DACH2: variants seen among roughly 807,000 people sequenced by gnomAD.
DACH2 encodes the protein dachshund homolog 2.
DACH2 carries 17 observed loss-of-function variants against 35.8 expected under a neutral mutation model. The observed-to-expected ratio is 0.48, with a 90% CI of 0.33 to 0.71. The LOEUF is 0.71. Ranked by LOEUF, DACH2 falls within the 30% of genes least tolerant of loss-of-function variation. The pLI, the probability that DACH2 is intolerant of heterozygous loss-of-function variation, is 0.02. For missense variants in DACH2, 469 were observed against 472.7 expected (o/e 0.99, Z 0.07); for synonymous variants, 195 against 177.3 (o/e 1.10, Z -0.79).
At chrX:86,671,421 A>G (rs183086935) in intron 4 of DACH2, among the ~76,000 whole-genome samples, 35 of 111,913 alleles carry the variant, frequency 3.1e-4, no homozygotes, top group African/African-American at 1.0e-3. Context: ...GTAATCCCCA[A>G]TGTTGGAGGA....
At position 86,176,144 on chromosome X, in the gene DACH2, TATGCAAAAGGTG is replaced by T. The variant is rs2031295260; in HGVS notation, c.488+27040_488+27051del. On this transcript the variant is annotated intron_variant, in intron 1 of 11. Transcript: ENST00000373125. ...AAGAGGGGCAGAAGAATTGAGGGTT[TATGCAAAAGGTG>T]ATGTAGTGAATGAGAATACATTTTA... 2.7e-5 allele frequency among the ~76,000 whole-genome samples: 3 copies of T among 111,236 alleles called. No individual in the cohort carries two copies. The South Asian group carries it at 1.1e-3, about 42-fold the overall frequency.
intron 1 of DACH2, among the ~76,000 whole-genome samples, chrX:86,333,078 T>A (rs1035612158): frequency 1.8e-5 from 2 of 111,819 alleles, no homozygotes; most frequent in African/African-American, 6.5e-5. Context: ...TACCTTGTGA[T>A]TTACTATATT....
chrX:86,674,160 A>T (rs903461942), intron 4 of DACH2, among the ~76,000 whole-genome samples: 1 of 111,970 alleles, frequency 8.9e-6, no homozygotes, highest in African/African-American at 3.2e-5. Flanking sequence ...GATTTTCTCT[A>T]TTCTCTTTGG....
At chrX:86,521,932 T>A (rs1331061234) in intron 3 of DACH2, among the ~76,000 whole-genome samples, 1 of 111,850 alleles carries the variant, frequency 8.9e-6, no homozygotes, top group African/African-American at 3.2e-5. Flanking sequence ...AATAGTCCTT[T>A]AATTTATATA....
At chrX:86,560,596 A>T (rs1237739770) in intron 3 of DACH2, among the ~76,000 whole-genome samples, 1 of 96,623 alleles carries the variant, frequency 1.0e-5, no homozygotes, top group African/African-American at 3.8e-5. Flanking sequence ...ATAATGCCGC[A>T]TATCTACAAC....
chrX:86,477,366 AT>A (rs2037862151), intron 2 of DACH2, among the ~76,000 whole-genome samples: 4 of 98,922 alleles, frequency 4.0e-5, no homozygotes, highest in Middle Eastern at 5.3e-3. Flanking sequence ...ATATATATAT[AT>A]ATAATTGTTA....
intron 1 of DACH2, among the ~76,000 whole-genome samples, chrX:86,254,781 A>ATATATGT (rs1556004270): frequency 4.4e-5 from 1 of 22,593 alleles, no homozygotes; most frequent in Non-Finnish European, 7.4e-5. Context: ...CAAATAAATA[A>ATATATGT]ATATATATAT....
At chrX:86,597,193 AT>A (rs1328332780) in intron 3 of DACH2, among the ~76,000 whole-genome samples, 1 of 111,860 alleles carries the variant, frequency 8.9e-6, no homozygotes, top group Non-Finnish European at 1.9e-5. Context: ...ATTGATTCGA[AT>A]TGCATTGAGT....
At chrX:86,440,866 T>A (rs545068135) in intron 2 of DACH2, among the ~76,000 whole-genome samples, 20 of 111,572 alleles carry the variant, frequency 1.8e-4, no homozygotes, top group African/African-American at 6.5e-4. Flanking sequence ...AAATTTATAA[T>A]ACAATATTGT....
chrX:86,253,364 C>T (rs112478575), intron 1 of DACH2, among the ~76,000 whole-genome samples: 2,009 of 111,488 alleles, frequency 0.018, 45 homozygotes, highest in African/African-American at 0.062. Flanking sequence ...AAGCAATCTA[C>T]AAATTCAATG....
At chrX:86,807,818 G>T (rs1034536145) in intron 7 of DACH2, among the ~76,000 whole-genome samples, 2 of 112,242 alleles carry the variant, frequency 1.8e-5, no homozygotes, top group African/African-American at 6.5e-5. Context: ...ACAATGATTT[G>T]CTGTTTATCT....
chrX:86,663,110 G>A (rs1337270844), intron 4 of DACH2, among the ~76,000 whole-genome samples: 1 of 111,250 alleles, frequency 9.0e-6, no homozygotes, highest in Admixed American at 9.6e-5. Flanking sequence ...TATAGTTGGA[G>A]AAACTTTCAA....
intron 11 of DACH2, chrX:86,829,285 C>G (rs2042590720): frequency 9.0e-6 from 1 of 111,396 alleles, no homozygotes; most frequent in Non-Finnish European, 1.9e-5. Context: ...TGAAGCAAGT[C>G]AAATAAAAAC....
At chrX:86,317,742 T>A (rs1298548387) in intron 1 of DACH2, among the ~76,000 whole-genome samples, 1 of 111,663 alleles carries the variant, frequency 9.0e-6, no homozygotes, top group African/African-American at 3.3e-5. Flanking sequence ...TGGGACTTTT[T>A]AAAGCCAAGC....
chrX:86,387,739 A>T (rs1290762301), intron 2 of DACH2, among the ~76,000 whole-genome samples: 1 of 112,033 alleles, frequency 8.9e-6, no homozygotes, highest in Non-Finnish European at 1.9e-5. Context: ...TTTTCCTGGC[A>T]TTTAGGTTTC....
intron 1 of DACH2, among the ~76,000 whole-genome samples, chrX:86,205,805 G>C (rs2032296001): frequency 1.8e-5 from 2 of 108,473 alleles, no homozygotes; most frequent in Non-Finnish European, 3.8e-5. Context: ...GACCTCAAGT[G>C]ATCCTTCCAC....
At chrX:86,319,332 T>C (rs967458996) in intron 1 of DACH2, among the ~76,000 whole-genome samples, 1 of 112,298 alleles carries the variant, frequency 8.9e-6, no homozygotes, top group African/African-American at 3.2e-5. Flanking sequence ...TGCCTTCTTA[T>C]AATCTTTAAC....
intron 2 of DACH2, among the ~76,000 whole-genome samples, chrX:86,494,926 G>A (rs968568463): frequency 8.9e-6 from 1 of 112,111 alleles, no homozygotes; most frequent in African/African-American, 3.2e-5. Context: ...CATTTAAAAA[G>A]TAAAAAGAAA....
At chrX:86,324,402 G>GT (rs1474647686) in intron 1 of DACH2, among the ~76,000 whole-genome samples, 1 of 110,832 alleles carries the variant, frequency 9.0e-6, no homozygotes. Flanking sequence ...TGACAATAAA[G>GT]TATTTAGAAT....
Sources: allele counts gnomAD v4.1 joint callset (sites outside exome capture counted in the v4.1 genomes callset), GRCh38; gene constraint gnomAD v4.1.1; transcripts MANE v1.5; gene names NCBI Gene and HGNC (gene_info 2026-07-23, HGNC 2026-07-21).